NRXN1: variants seen among roughly 807,000 people sequenced by gnomAD.
NRXN1 encodes neurexin 1, also known as neurexin-1.
In NRXN1, 39 loss-of-function variants were observed where a neutral mutation model predicts 150.9. That is an observed-to-expected ratio of 0.26 (90% CI 0.20 to 0.34). The LOEUF is 0.34. NRXN1 is among the 10% of genes least tolerant of loss of function. NRXN1 has a pLI of 1.00. For missense variants in NRXN1, 1,815 were observed against 1,949.9 expected (o/e 0.93, Z 1.30); for synonymous variants, 924 against 757.0 (o/e 1.22, Z -3.62).
At chr2:50,686,590 A>T (rs1691264973) in intron 5 of NRXN1, among the ~76,000 whole-genome samples, 1 of 152,222 alleles carries the variant, frequency 6.6e-6, no homozygotes, top group Admixed American at 6.5e-5. Context: ...ATAAAATGCT[A>T]CATAAGACCA....
chr2:50,032,846 A>G (rs988456980), intron 21 of NRXN1, among the ~76,000 whole-genome samples: 5 of 151,868 alleles, frequency 3.3e-5, no homozygotes, highest in Non-Finnish European at 7.4e-5. Context: ...ACACTTTAAT[A>G]TTGGACTTTC....
chr2:50,945,410 G>C (rs2104529669), intron 2 of NRXN1, among the ~76,000 whole-genome samples: 1 of 152,168 alleles, frequency 6.6e-6, no homozygotes, highest in Non-Finnish European at 1.5e-5. Context: ...GATGCAATAA[G>C]CTGAGATCGT....
chr2:50,739,746 A>G (rs1244966151), intron 5 of NRXN1, among the ~76,000 whole-genome samples: 1 of 152,222 alleles, frequency 6.6e-6, no homozygotes, highest in Admixed American at 6.5e-5. Flanking sequence ...GAAGTATCAC[A>G]GATTATGTAA....
At chr2:49,963,063 A>G (rs1036025155) in intron 21 of NRXN1, among the ~76,000 whole-genome samples, 4 of 152,234 alleles carry the variant, frequency 2.6e-5, no homozygotes, top group African/African-American at 9.6e-5. Context: ...TTAAATATCC[A>G]TATTTATATC....
At chr2:50,604,134 T>A (rs1676719629) in intron 8 of NRXN1, among the ~76,000 whole-genome samples, 1 of 152,228 alleles carries the variant, frequency 6.6e-6, no homozygotes, top group Non-Finnish European at 1.5e-5. Flanking sequence ...AGGCTTAGGC[T>A]CTTTTGATCA....
At chr2:50,457,344 G>C (rs928615419) in intron 17 of NRXN1, among the ~76,000 whole-genome samples, 7 of 152,106 alleles carry the variant, frequency 4.6e-5, no homozygotes, top group Non-Finnish European at 1.0e-4. Context: ...TGCAGCTAGG[G>C]AATTTCAGTT....
chr2:50,614,733 C>CAAAAAAAAAAAAAAAAAAAAAAAATAAAA (rs33968907), intron 8 of NRXN1, among the ~76,000 whole-genome samples: 1 of 98,272 alleles, frequency 1.0e-5, no homozygotes, highest in Non-Finnish European at 1.9e-5. Flanking sequence ...ATCAGCCATT[C>CAAAAAAAAAAAAAAAAAAAAAAAATAAAA]AAAAAAAAAA....
At chr2:50,728,865 T>A (rs970052343) in intron 5 of NRXN1, among the ~76,000 whole-genome samples, 1 of 152,208 alleles carries the variant, frequency 6.6e-6, no homozygotes, top group South Asian at 2.1e-4. Context: ...ATAGAGCTAG[T>A]GTATTTACCA....
intron 2 of NRXN1, among the ~76,000 whole-genome samples, chr2:50,952,373 T>C (rs1691532672): frequency 6.6e-6 from 1 of 152,172 alleles, no homozygotes; most frequent in Non-Finnish European, 1.5e-5. Context: ...ATTTATAGAA[T>C]TGGACCAGAT....
intron 21 of NRXN1, among the ~76,000 whole-genome samples, chr2:50,042,009 T>G (rs1252273294): frequency 6.6e-6 from 1 of 152,208 alleles, no homozygotes; most frequent in Non-Finnish European, 1.5e-5. Flanking sequence ...GTAGCATAAA[T>G]TGAAATGGGA....
chr2:50,932,842 T>G (rs1687968183), intron 2 of NRXN1, among the ~76,000 whole-genome samples: 2 of 152,116 alleles, frequency 1.3e-5, no homozygotes, highest in Admixed American at 1.3e-4. Flanking sequence ...GTGAGAAGAC[T>G]GAATGATTTC....
At chr2:50,914,324 C>G (rs1161804159) in intron 5 of NRXN1, among the ~76,000 whole-genome samples, 1 of 151,500 alleles carries the variant, frequency 6.6e-6, no homozygotes, top group Non-Finnish European at 1.5e-5. Flanking sequence ...GCTACATGAC[C>G]ATAAAATATA....
At chr2:50,492,561 G>C (rs1415113133) in intron 15 of NRXN1, among the ~76,000 whole-genome samples, 2 of 152,170 alleles carry the variant, frequency 1.3e-5, no homozygotes, top group Non-Finnish European at 2.9e-5. Flanking sequence ...AATTTTAGAT[G>C]TCTGAAAACA....
chr2:50,617,186 C>A (rs749074722), intron 8 of NRXN1, among the ~76,000 whole-genome samples: 1 of 151,994 alleles, frequency 6.6e-6, no homozygotes, highest in Non-Finnish European at 1.5e-5. Flanking sequence ...CGACACCCAG[C>A]ACGTTGGGAG....
chr2:50,626,203 A>G (rs542884073), intron 5 of NRXN1, among the ~76,000 whole-genome samples: 15 of 152,108 alleles, frequency 9.9e-5, no homozygotes, highest in South Asian at 2.1e-4. Flanking sequence ...GAGACAATCA[A>G]TGTTTCAACA....
At chr2:50,514,420 A>G (rs896294922) in intron 12 of NRXN1, among the ~76,000 whole-genome samples, 2 of 152,182 alleles carry the variant, frequency 1.3e-5, no homozygotes, top group African/African-American at 4.8e-5. Flanking sequence ...CTACTCATTT[A>G]TTCTGGGTTC....
At chr2:50,233,256 T>C (rs534261512) in intron 18 of NRXN1, among the ~76,000 whole-genome samples, 34 of 152,180 alleles carry the variant, frequency 2.2e-4, no homozygotes, top group African/African-American at 7.7e-4. Context: ...ATTTCAATAG[T>C]AATATTATAT....
At chr2:50,778,093 C>T (rs955300069) in intron 5 of NRXN1, among the ~76,000 whole-genome samples, 1 of 152,038 alleles carries the variant, frequency 6.6e-6, no homozygotes, top group African/African-American at 2.4e-5. Context: ...ACTTGATCAG[C>T]TTCAGAGATA....
intron 17 of NRXN1, among the ~76,000 whole-genome samples, chr2:50,326,525 G>A (rs7595210): frequency 6.8e-4 from 104 of 152,202 alleles, no homozygotes; most frequent in African/African-American, 2.4e-3. Flanking sequence ...AGAGAAAGAT[G>A]GAAATACCAA....
Sources: gnomAD v4.1 joint callset for allele counts (sites outside exome capture counted in the v4.1 genomes callset) on GRCh38, gnomAD v4.1.1 for gene constraint, MANE v1.5 for transcripts, NCBI Gene and HGNC (gene_info 2026-07-23, HGNC 2026-07-21) for gene names.